The following B3GALT1 variants were observed in gnomAD, a reference collection of about 807,000 sequenced individuals.
B3GALT1 encodes the protein UDP-Gal:betaGlcNAc beta 1,3-galactosyltransferase, polypeptide 1.
Under a neutral mutation model 23.2 loss-of-function variants are expected in B3GALT1, and 10 were observed. That is an observed-to-expected ratio of 0.43 (90% CI 0.27 to 0.73). B3GALT1 has a LOEUF of 0.73. Ranked by LOEUF, B3GALT1 falls within the 30% of genes least tolerant of loss-of-function variation. B3GALT1 has a pLI of 0.21. For missense variants in B3GALT1, 299 were observed against 405.4 expected (o/e 0.74, Z 2.25); for synonymous variants, 156 against 141.5 (o/e 1.10, Z -0.73).
At chr2:167,787,666 A>T (rs1338885972) in intron 3 of B3GALT1, among the ~76,000 whole-genome samples, 2 of 152,134 alleles carry the variant, frequency 1.3e-5, no homozygotes, top group Admixed American at 6.6e-5. Flanking sequence ...TAGTTCTATG[A>T]CCCCTATCCC....
At chr2:167,538,324 ATATCTGTG>A (rs1204653921) in intron 2 of B3GALT1, among the ~76,000 whole-genome samples, 1 of 152,210 alleles carries the variant, frequency 6.6e-6, no homozygotes, top group Non-Finnish European at 1.5e-5. Flanking sequence ...ATACAAATAC[ATATCTGTG>A]TATATGCTTT....
At chr2:167,626,058 A>G (rs1465291988) in intron 2 of B3GALT1, among the ~76,000 whole-genome samples, 1 of 148,844 alleles carries the variant, frequency 6.7e-6, no homozygotes, top group Non-Finnish European at 1.5e-5. Flanking sequence ...TTTTCAGCTC[A>G]ACTGAAAGTA....
intron 2 of B3GALT1, among the ~76,000 whole-genome samples, chr2:167,553,057 T>C (rs372875385): frequency 1.3e-5 from 2 of 152,296 alleles, no homozygotes; most frequent in East Asian, 3.9e-4. Context: ...TGTCATCAAA[T>C]ATTTATTGTA....
chr2:167,591,333 G>T (rs746290521), intron 2 of B3GALT1, among the ~76,000 whole-genome samples: 1 of 152,106 alleles, frequency 6.6e-6, no homozygotes, highest in Non-Finnish European at 1.5e-5. Context: ...GAGAAGAACA[G>T]TAGGCGACGA....
At chr2:167,521,571 T>C (rs1396519834) in intron 2 of B3GALT1, among the ~76,000 whole-genome samples, 2 of 152,150 alleles carry the variant, frequency 1.3e-5, no homozygotes, top group Non-Finnish European at 2.9e-5. Context: ...TTTCATTGGT[T>C]CTTTAGTAAT....
intron 2 of B3GALT1, among the ~76,000 whole-genome samples, chr2:167,637,400 G>A (rs768096931): frequency 3.3e-5 from 5 of 151,874 alleles, no homozygotes; most frequent in Admixed American, 1.3e-4. Context: ...ACGTATTTAT[G>A]GGGCACATAT....
chr2:167,619,624 A>C (rs1054792985), intron 2 of B3GALT1, among the ~76,000 whole-genome samples: 2 of 152,148 alleles, frequency 1.3e-5, no homozygotes, highest in Admixed American at 1.3e-4. Flanking sequence ...AACTGGTTTC[A>C]TGATTTTAAT....
At chr2:167,370,254 T>G (rs898329206) in intron 1 of B3GALT1, among the ~76,000 whole-genome samples, 3 of 152,208 alleles carry the variant, frequency 2.0e-5, no homozygotes, top group Non-Finnish European at 2.9e-5. Flanking sequence ...GCCAACATTG[T>G]GTCCATTGAA....
rs188952436 is a variant in B3GALT1, at chr2:167,424,927, G to A, written c.-510-65250G>A. Among the ~76,000 whole-genome samples, 8 of 152,252 alleles carry A rather than the reference G, an allele frequency of 5.3e-5. No individual in the cohort carries two copies. The East Asian group carries it at 1.3e-3, about 26-fold the overall frequency. On this transcript the variant is annotated intron_variant, in intron 1 of 4. Coordinates refer to ENST00000392690, the MANE Select transcript of B3GALT1 (RefSeq NM_020981.4). ...AGAGAATTTTTTTCCCCATCATTTCGAAGTCAACATTGTATTTTAACCAAA... is the reference window on the plus strand; with the variant it reads ...AGAGAATTTTTTTCCCCATCATTTCAAAGTCAACATTGTATTTTAACCAAA...
rs1381103485 is a variant in B3GALT1 at position 167,745,647 on chromosome 2, A to G, written c.-351-73025A>G. Among the ~76,000 whole-genome samples the G allele has an allele frequency of 3.3e-5, 5 of 152,058 alleles. No homozygotes were observed. In the South Asian group the frequency reaches 8.3e-4, roughly 25 times the overall value. On this transcript the variant is annotated intron_variant, in intron 3 of 4. Coordinates refer to ENST00000392690, the MANE Select transcript of B3GALT1 (RefSeq NM_020981.4). ...TTCCCTTGTTGTTGAGAATCTTACTATCATATTTTCATCCTTTTTAGCTGT... is the reference window on the plus strand; with the variant it reads ...TTCCCTTGTTGTTGAGAATCTTACTGTCATATTTTCATCCTTTTTAGCTGT...
At chr2:167,811,376 G>T (rs1688886334) in intron 3 of B3GALT1, among the ~76,000 whole-genome samples, 1 of 152,198 alleles carries the variant, frequency 6.6e-6, no homozygotes, top group African/African-American at 2.4e-5. Flanking sequence ...TTTCACAGCG[G>T]CAGATTTAAC....
chr2:167,305,240 TA>T (rs1559060822), intron 1 of B3GALT1, among the ~76,000 whole-genome samples: 1 of 152,124 alleles, frequency 6.6e-6, no homozygotes, highest in African/African-American at 2.4e-5. Context: ...AGACAGTTGT[TA>T]ATATATATAT....
At chr2:167,322,128 T>A (rs1352885211) in intron 1 of B3GALT1, among the ~76,000 whole-genome samples, 1 of 152,028 alleles carries the variant, frequency 6.6e-6, no homozygotes, top group African/African-American at 2.4e-5. Context: ...TCTGGTTATT[T>A]TGAACATATA....
intron 3 of B3GALT1, among the ~76,000 whole-genome samples, chr2:167,800,137 G>A (rs1688613164): frequency 6.6e-6 from 1 of 152,160 alleles, no homozygotes; most frequent in Admixed American, 6.5e-5. Context: ...TTCATGCTGG[G>A]TGAAAGATAG....
At chr2:167,304,080 C>T (rs140175445) in intron 1 of B3GALT1, among the ~76,000 whole-genome samples, 1 of 152,270 alleles carries the variant, frequency 6.6e-6, no homozygotes, top group Non-Finnish European at 1.5e-5. Context: ...AATACCCTTA[C>T]TTTACTAGTA....
intron 1 of B3GALT1, among the ~76,000 whole-genome samples, chr2:167,335,530 G>C (rs1697044430): frequency 6.6e-6 from 1 of 152,154 alleles, no homozygotes; most frequent in Non-Finnish European, 1.5e-5. Flanking sequence ...GCTAAACAAG[G>C]GGTGGATTAT....
chr2:167,514,368 G>C (rs1254882273), intron 2 of B3GALT1, among the ~76,000 whole-genome samples: 1 of 152,140 alleles, frequency 6.6e-6, no homozygotes, highest in Non-Finnish European at 1.5e-5. Flanking sequence ...AGTTTTCTAT[G>C]AATAAAATGA....
chr2:167,515,802 T>A (rs1189235842), intron 2 of B3GALT1, among the ~76,000 whole-genome samples: 1 of 152,140 alleles, frequency 6.6e-6, no homozygotes, highest in Non-Finnish European at 1.5e-5. Flanking sequence ...CTAGTGAATC[T>A]TCTCACTTTA....
rs180814235 is a variant in B3GALT1 at position 167,528,379 on chromosome 2, G to A, written c.-410+38102G>A. Among the ~76,000 whole-genome samples the A allele has an allele frequency of 8.6e-4, 131 of 152,220 alleles. 2 individuals carry two copies. The highest frequency in any genetic ancestry group is 8.3e-3 in the South Asian group (40 of 4,818). ...ATTTAATTCTTGGTCTGTTTTGTGC[G>A]TCTGGAGTTCCTGGTCCCCTATTTA... On this transcript the variant is annotated intron_variant, in intron 2 of 4. Transcript: ENST00000392690.
Sources: gnomAD v4.1 joint callset for allele counts (sites outside exome capture counted in the v4.1 genomes callset) on GRCh38, gnomAD v4.1.1 for gene constraint, MANE v1.5 for transcripts, NCBI Gene and HGNC (gene_info 2026-07-23, HGNC 2026-07-21) for gene names.